GPHN: variants seen among roughly 807,000 people sequenced by gnomAD.
The protein encoded by GPHN is gephyrin.
A neutral mutation model predicts 95.5 loss-of-function variants in GPHN; 17 were observed. That is an observed-to-expected ratio of 0.18 (90% confidence interval 0.12 to 0.27). GPHN has a LOEUF of 0.27. Among genes scored for constraint, GPHN ranks in the 10% least tolerant of loss-of-function variants. GPHN has a pLI of 1.00. For synonymous variants in GPHN, 320 were observed against 322.5 expected (o/e 0.99, Z 0.08); for missense variants, 660 against 978.1 (o/e 0.67, Z 4.34).
chr14:67,721,023 C>G, the GPHN span: 3 of 152,244 alleles, frequency 2.0e-5, no homozygotes, highest in Non-Finnish European at 4.4e-5. Flanking sequence ...GGGGCAGAAA[C>G]TGTGTCTTCC....
At chr14:67,465,105 A>G in the GPHN span, among the ~76,000 whole-genome samples, 11 of 152,240 alleles carry the variant, frequency 7.2e-5, no homozygotes, top group Non-Finnish European at 1.6e-4. Context: ...AGCTGCGTTG[A>G]CAACACTGGA....
chr14:67,601,159 C>G, the GPHN span, among the ~76,000 whole-genome samples: 15,069 of 152,058 alleles, frequency 0.099, 799 homozygotes, highest in East Asian at 0.14. Context: ...GGCAGTCAGG[C>G]GAAGTCTCTA....
the GPHN span, among the ~76,000 whole-genome samples, chr14:67,299,212 T>C: frequency 3.9e-5 from 6 of 152,206 alleles, no homozygotes; most frequent in African/African-American, 7.2e-5. Flanking sequence ...TTGTGAAATA[T>C]CCGGTTAGAT....
In GPHN at chr14:67,165,292, A is replaced by C. The variant is rs193060797; in HGVS notation, c.1975+66A>C. 869 of 979,674 alleles carry C rather than the reference A, an allele frequency of 8.9e-4. 1 individual carries two copies. Among genetic ancestry groups the C allele is most frequent in the Non-Finnish European group, 1.3e-3 (810 of 605,342 alleles). 60.7% of individuals were successfully genotyped at this position (979,674 alleles called of 1,614,324 possible). A position where few individuals can be genotyped will look rare whatever the true frequency, so the allele number is the denominator to read the frequency against. On this transcript the variant is annotated intron_variant, in intron 20 of 22. Transcript: ENST00000478722. Reference sequence around the variant, plus strand: ...ATAGCCAAAATTTTTTGGACTTCTCATGTGACCACCTGGTTTGAAATCTGA... The same window carrying C: ...ATAGCCAAAATTTTTTGGACTTCTCCTGTGACCACCTGGTTTGAAATCTGA...
At chr14:66,781,680 G>A (rs943892148) in intron 3 of GPHN, among the ~76,000 whole-genome samples, 17 of 151,928 alleles carry the variant, frequency 1.1e-4, no homozygotes, top group African/African-American at 3.6e-4. Flanking sequence ...TTTATCAACC[G>A]TTTTTGTAGG....
chr14:67,428,666 T>C, the GPHN span, among the ~76,000 whole-genome samples: 1 of 152,246 alleles, frequency 6.6e-6, no homozygotes, highest in African/African-American at 2.4e-5. Context: ...GCATTGTCAG[T>C]CTGTCCTCAC....
intron 3 of GPHN, among the ~76,000 whole-genome samples, chr14:66,785,794 G>A (rs895255522): frequency 8.2e-5 from 12 of 145,782 alleles, no homozygotes; most frequent in Non-Finnish European, 1.2e-4. Context: ...GAAATTAAAA[G>A]ATACTCTAGT....
chr14:67,653,289 T>C, the GPHN span: 1 of 608,566 alleles, frequency 1.6e-6, no homozygotes, highest in Non-Finnish European at 2.9e-6. Flanking sequence ...AGCGTCTTTA[T>C]TCTGGTCTGC....
the GPHN span, among the ~76,000 whole-genome samples, chr14:67,401,559 C>T: frequency 6.6e-6 from 1 of 152,088 alleles, no homozygotes; most frequent in East Asian, 1.9e-4. Context: ...GATTTGGACA[C>T]ACAGCTCACA....
chr14:67,171,546 A>T (rs552682206), intron 21 of GPHN, among the ~76,000 whole-genome samples: 1 of 152,154 alleles, frequency 6.6e-6, no homozygotes, highest in Non-Finnish European at 1.5e-5. Flanking sequence ...ACATACCTGG[A>T]GTAACTCCCA....
the GPHN span, among the ~76,000 whole-genome samples, chr14:67,469,440 C>CTTTTTTTTTT: frequency 9.9e-5 from 8 of 80,876 alleles, no homozygotes; most frequent in East Asian, 4.2e-4. Context: ...CCATGCCTGG[C>CTTTTTTTTTT]TTTTTTTTTT....
chr14:67,539,997 A>C, the GPHN span, among the ~76,000 whole-genome samples: 5 of 152,248 alleles, frequency 3.3e-5, no homozygotes, highest in Non-Finnish European at 7.3e-5. Flanking sequence ...AGCCCATCAA[A>C]GAGAGGCTAA....
chr14:67,001,355 C>T lies in GPHN; in HGVS notation c.964-22278C>T, dbSNP rs551138773. Among the ~76,000 whole-genome samples the T allele has an allele frequency of 6.0e-5, 9 of 150,692 alleles. No homozygotes were observed. In the East Asian group the frequency reaches 1.7e-3, roughly 29 times the overall value. On this transcript the variant is annotated intron_variant, in intron 9 of 22. Transcript: ENST00000478722. The stretch of plus-strand genomic sequence containing the variant: ...GTTAGAGCCCAAATAAATGATGGCA[C>T]ATTATAATATGATATGTTATAATGT...
intron 1 of GPHN, among the ~76,000 whole-genome samples, chr14:66,663,600 C>T (rs1387663971): frequency 7.2e-5 from 11 of 152,166 alleles, no homozygotes; most frequent in Non-Finnish European, 2.9e-5. Flanking sequence ...AACCAGCTAA[C>T]ATCATAATGA....
At chr14:67,109,217 G>GC (rs1336835878) in intron 13 of GPHN, among the ~76,000 whole-genome samples, 1 of 152,192 alleles carries the variant, frequency 6.6e-6, no homozygotes, top group African/African-American at 2.4e-5. Flanking sequence ...TCCTTATGCA[G>GC]CACGTGACTA....
At chr14:66,533,370 T>A (rs1284139037) in intron 1 of GPHN, among the ~76,000 whole-genome samples, 2 of 152,190 alleles carry the variant, frequency 1.3e-5, no homozygotes, top group Non-Finnish European at 2.9e-5. Flanking sequence ...GATTTCCAGG[T>A]TTGACTTAGC....
At chr14:67,346,279 A>G in the GPHN span, among the ~76,000 whole-genome samples, 3 of 152,232 alleles carry the variant, frequency 2.0e-5, no homozygotes, top group African/African-American at 7.2e-5. Flanking sequence ...CACATGAAGC[A>G]AGGAAATACA....
chr14:67,720,097 A>G, the GPHN span, among the ~76,000 whole-genome samples: 1 of 152,192 alleles, frequency 6.6e-6, no homozygotes, highest in African/African-American at 2.4e-5. Context: ...GGATCATACT[A>G]CAATCTTTTT....
the GPHN span, chr14:67,725,161 C>T: frequency 6.2e-6 from 10 of 1,614,004 alleles, no homozygotes; most frequent in African/African-American, 4.0e-5. Flanking sequence ...CAGTGAAATC[C>T]GAGTGGATAC....
Sources: allele counts gnomAD v4.1 joint callset (sites outside exome capture counted in the v4.1 genomes callset), GRCh38; gene constraint gnomAD v4.1.1; transcripts MANE v1.5; gene names NCBI Gene and HGNC (gene_info 2026-07-23, HGNC 2026-07-21).